CKM: variants seen among roughly 807,000 people sequenced by gnomAD.
CKM encodes the protein creatine kinase M-type.
Under a neutral mutation model 35.4 loss-of-function variants are expected in CKM, and 28 were observed. That is an observed-to-expected ratio of 0.79 (90% CI 0.59 to 1.08). The LOEUF is 1.08. CKM is among the 50% of genes least tolerant of loss of function. CKM has a pLI of 0.00. For synonymous variants in CKM, 215 were observed against 204.4 expected (o/e 1.05, Z -0.44); for missense variants, 484 against 509.8 (o/e 0.95, Z 0.49).
intron 1 of CKM, 90 bp from the exon 2 acceptor site, chr19:45,319,821 C>T (rs1354676707): frequency 3.8e-5 from 41 of 1,092,556 alleles, no homozygotes; most frequent in African/African-American, 4.7e-5. Flanking sequence ...GACGGAGTCT[C>T]GCTCTGTCAC....
intron 7 of CKM, among the ~76,000 whole-genome samples, 197 bp from the exon 8 acceptor site, chr19:45,307,125 T>C (rs1316291243): frequency 6.6e-6 from 1 of 152,160 alleles, no homozygotes; most frequent in Non-Finnish European, 1.5e-5. Context: ...CACTCAGTTA[T>C]CAAACATAGT....
intron 6 of CKM, 33 bp from the exon 7 acceptor site, chr19:45,307,683 C>T (rs779872868): frequency 2.5e-6 from 4 of 1,589,688 alleles, no homozygotes; most frequent in Non-Finnish European, 3.4e-6. Flanking sequence ...GGGGTCAGCG[C>T]CGGCAGGCAC....
At chr19:45,312,192 A>G (rs1468259974) in intron 4 of CKM, among the ~76,000 whole-genome samples, 1 of 152,140 alleles carries the variant, frequency 6.6e-6, no homozygotes, top group East Asian at 1.9e-4. Context: ...CTCACATCCA[A>G]TCCACCTGCA....
chr19:45,321,063 A>ATTTT (rs35089528), intron 1 of CKM, among the ~76,000 whole-genome samples: 2 of 142,674 alleles, frequency 1.4e-5, no homozygotes, highest in Non-Finnish European at 3.1e-5. Flanking sequence ...ACACCTGGCT[A>ATTTT]TTTTTTTTTT....
chr19:45,309,909 A>G (rs1971090967), intron 5 of CKM, among the ~76,000 whole-genome samples: 1 of 152,064 alleles, frequency 6.6e-6, no homozygotes. Flanking sequence ...ACCTAAAAAT[A>G]TTTAAAATCT....
Position 45,311,775 on chromosome 19 carries a change from G to A in CKM, c.627C>T (p.Arg209=), listed in dbSNP as rs17875616. 5.0e-6 allele frequency: 8 copies of A among 1,598,148 alleles called. No individual in the cohort carries two copies. The highest frequency in any genetic ancestry group is 1.1e-5 in the South Asian group (1 of 89,320). Residue 209 remains arginine, a synonymous_variant, in exon 5 of 8, where the codon CGC becomes CGT. Transcript: ENST00000221476. ...AGATGCCACGGGCGTCGGGCCAGTC[G>A]CGGGCCATGCCTGAGGCCAGCAGCA... is the stretch of plus-strand genomic sequence containing the variant. ...SPLLLASGMA[R]DWPDARGIWH...
At position 45,319,732 on chromosome 19, in the gene CKM, C is replaced by A; in HGVS notation, c.-18-1G>T. The A allele has an allele frequency of 6.2e-7, 1 of 1,612,652 alleles. No homozygotes were observed. The highest frequency in any genetic ancestry group is 1.3e-5 in the African/African-American group (1 of 74,968). On this transcript the variant is annotated splice_acceptor_variant, in intron 1 of 7. Transcript: ENST00000221476. LOFTEE classifies it low-confidence loss of function (5UTR_SPLICE). ...ATGGCATGGTGGCGGTGTAGGAGAC[C>A]TGATGGGCAGGGCAGGAGGGGAAGA...
Position 45,309,313 on chromosome 19 carries a change from G to T in CKM, c.654-781C>A, listed in dbSNP as rs1256675964. Among the ~76,000 whole-genome samples the T allele has an allele frequency of 3.3e-5, 5 of 151,924 alleles. No homozygotes were observed. The East Asian group carries it at 9.6e-4, about 29-fold the overall frequency. On this transcript the variant is annotated intron_variant, in intron 5 of 7. Coordinates refer to ENST00000221476, the MANE Select transcript of CKM (RefSeq NM_001824.5). Reference sequence around the variant, plus strand: ...CTCATGCCTGTAATCCCAGCACTTTGGGAGGCCAAGGCCGGAGGATTGCTT... The same window carrying T: ...CTCATGCCTGTAATCCCAGCACTTTTGGAGGCCAAGGCCGGAGGATTGCTT...
At position 45,311,774 on chromosome 19, in the gene CKM, C is replaced by T. The variant is rs1333369617; in HGVS notation, c.628G>A (p.Asp210Asn). The change falls in exon 5 of 8, where the codon GAC becomes AAC. Residue 210 changes from aspartate (D) to asparagine (N), a missense_variant. Coordinates refer to ENST00000221476, the MANE Select transcript of CKM (RefSeq NM_001824.5). ...PLLLASGMAR[D>N]WPDARGIWHN... ...CAGATGCCACGGGCGTCGGGCCAGT[C>T]GCGGGCCATGCCTGAGGCCAGCAGC... The T allele has an allele frequency of 1.3e-6, 2 of 1,598,224 alleles. No homozygotes were observed. Among genetic ancestry groups the T allele is most frequent in the African/African-American group, 1.3e-5 (1 of 74,954 alleles).
At chr19:45,321,789 C>A (rs1971215381) in intron 1 of CKM, among the ~76,000 whole-genome samples, 1 of 151,830 alleles carries the variant, frequency 6.6e-6, no homozygotes, top group South Asian at 2.1e-4. Flanking sequence ...TTCACTGGAC[C>A]CAGAAAGGAG....
Position 45,319,405 on chromosome 19 carries a change from T to C in CKM, c.193+116A>G, listed in dbSNP as rs554906216. The C allele has an allele frequency of 5.1e-5, 40 of 784,374 alleles. No individual in the cohort carries two copies. The East Asian group carries it at 9.4e-4, about 18-fold the overall frequency. The allele number at this position is 784,374 out of a possible 1,614,324, so 48.6% of individuals were successfully genotyped here. A position where few individuals can be genotyped will look rare whatever the true frequency, so the allele number is the denominator to read the frequency against. On this transcript the variant is annotated intron_variant, in intron 2 of 7. Coordinates refer to ENST00000221476, the MANE Select transcript of CKM (RefSeq NM_001824.5). The stretch of plus-strand genomic sequence containing the variant: ...GCATTGATTCCCACAACAGCCCCAT[T>C]TTACAGATGAGAAAACTGAGGCCCC...
rs770291117 is a variant in CKM, at chr19:45,317,877, C to T, written c.296G>A (p.Gly99Asp). 10 of 1,613,890 alleles carry T rather than the reference C, an allele frequency of 6.2e-6. No homozygotes were observed. In the Admixed American group the frequency reaches 1.0e-4, roughly 16 times the overall value. The change falls in exon 3 of 8, where the codon GGC (glycine) becomes GAC (aspartate). Residue 99 changes from glycine (G) to aspartate (D), a missense_variant. Coordinates refer to ENST00000221476, the MANE Select transcript of CKM (RefSeq NM_001824.5). ...CTTGTGCTTGTCAGTGGGTTTGTAG[C>T]CCCCGTGGCGATCCGAGATGATGGG... ...FDPIISDRHGGYKPTDKHKTD... is the reference protein window; with the variant it reads ...FDPIISDRHGDYKPTDKHKTD...
intron 3 of CKM, among the ~76,000 whole-genome samples, chr19:45,316,262 A>C (rs932581986): frequency 6.7e-5 from 10 of 149,440 alleles, no homozygotes; most frequent in Middle Eastern, 3.5e-3. Flanking sequence ...CCTGGGGATC[A>C]GGGGTTTCCG....
chr19:45,312,433 T>G (rs1366036728), intron 4 of CKM, among the ~76,000 whole-genome samples: 1 of 152,092 alleles, frequency 6.6e-6, no homozygotes, highest in East Asian at 1.9e-4. Flanking sequence ...TTTTTTTTTT[T>G]TTTTATGAGA....
chr19:45,322,012 C>A (rs1343201206), intron 1 of CKM, among the ~76,000 whole-genome samples: 1 of 152,140 alleles, frequency 6.6e-6, no homozygotes, highest in Non-Finnish European at 1.5e-5. Context: ...GCTGCCCCGC[C>A]CCACCCCCAC....
intron 6 of CKM, among the ~76,000 whole-genome samples, chr19:45,307,875 T>G (rs1003527079): frequency 2.0e-5 from 3 of 147,826 alleles, no homozygotes; most frequent in Non-Finnish European, 4.5e-5. Flanking sequence ...GGTTTTTTTT[T>G]TTTTTTTTTC....
intron 4 of CKM, among the ~76,000 whole-genome samples, chr19:45,313,024 TTG>T (rs924732690): frequency 5.3e-5 from 8 of 151,964 alleles, no homozygotes; most frequent in African/African-American, 1.9e-4. Context: ...TATAATGAAT[TTG>T]TGTTTGTGCA....
chr19:45,311,226 G>C (rs1203644582), intron 5 of CKM, among the ~76,000 whole-genome samples: 1 of 147,440 alleles, frequency 6.8e-6, no homozygotes, highest in Non-Finnish European at 1.5e-5. Flanking sequence ...CCAAGTCTAA[G>C]TTCTTTCTTT....
Position 45,317,961 on chromosome 19 carries a change from G to T in CKM, c.212C>A (p.Thr71Asn). Residue 71 changes from threonine to asparagine, a missense_variant, in exon 3 of 8, where the codon ACC (threonine) becomes AAC (asparagine). By Grantham distance (65) the Thr-to-Asn change is moderately conservative (BLOSUM62 0). Transcript: ENST00000221476. ...CTCATCACCAGCCACGCAGCCCACG[G>T]TCATGATGAAGGGGTGACCTGGAGG... ...VDNPGHPFIM[T>N]VGCVAGDEES... 1.2e-6 allele frequency: 2 copies of T among 1,614,018 alleles called. No homozygotes were observed. The highest frequency in any genetic ancestry group is 1.7e-6 in the Non-Finnish European group (2 of 1,179,982).
Sources: gnomAD v4.1 joint callset for allele counts (sites outside exome capture counted in the v4.1 genomes callset) on GRCh38, gnomAD v4.1.1 for gene constraint, MANE v1.5 for transcripts, NCBI Gene and HGNC (gene_info 2026-07-23, HGNC 2026-07-21) for gene names.